The following DENND1B variants were observed in gnomAD, a reference collection of about 807,000 sequenced individuals.
DENND1B encodes the protein DENN domain-containing protein 1B.
A neutral mutation model predicts 90.1 loss-of-function variants in DENND1B; 59 were observed. The observed-to-expected ratio is 0.65, with a 90% CI of 0.53 to 0.81. The LOEUF (loss-of-function observed/expected upper bound fraction) is 0.81, where lower values mean the gene tolerates loss of function less well. Ranked by LOEUF, DENND1B falls within the 40% of genes least tolerant of loss-of-function variation. DENND1B has a pLI of 0.00. For synonymous variants in DENND1B, 337 were observed against 324.6 expected, an observed-to-expected ratio of 1.04 and a Z score of -0.41; for missense variants, 862 against 912.6, an observed-to-expected ratio of 0.94 and a Z score of 0.71.
chr1:197,529,284 ATATATATGTATATATGTG>A (rs1558206160), intron 20 of DENND1B, among the ~76,000 whole-genome samples: 7 of 134,978 alleles, frequency 5.2e-5, no homozygotes, highest in African/African-American at 8.2e-5. Context: ...GTATATATGT[ATATATATGTATATATGTG>A]TATATATGTA....
chr1:197,581,624 C>T (rs1045134329), intron 15 of DENND1B, among the ~76,000 whole-genome samples: 10 of 152,120 alleles, frequency 6.6e-5, no homozygotes, highest in South Asian at 2.1e-4. Flanking sequence ...AGATATTCTG[C>T]GATACAGTCA....
chr1:197,674,991 GCAAA>G (rs1655909542), intron 3 of DENND1B, among the ~76,000 whole-genome samples: 2 of 151,870 alleles, frequency 1.3e-5, no homozygotes, highest in East Asian at 3.9e-4. Flanking sequence ...CAGCTACTTG[GCAAA>G]CAAAGTCTTA....
At chr1:197,753,013 T>C (rs1653780803) in intron 2 of DENND1B, among the ~76,000 whole-genome samples, 1 of 152,048 alleles carries the variant, frequency 6.6e-6, no homozygotes, top group Non-Finnish European at 1.5e-5. Context: ...ATGTGCCACA[T>C]TTTCTTAATC....
intron 10 of DENND1B, among the ~76,000 whole-genome samples, chr1:197,629,435 C>T (rs1337645582): frequency 6.7e-6 from 1 of 150,154 alleles, no homozygotes; most frequent in African/African-American, 2.5e-5. Flanking sequence ...GGACAGAAAA[C>T]CAAACACCGC....
At chr1:197,673,531 G>T (rs912894365) in intron 4 of DENND1B, among the ~76,000 whole-genome samples, 1 of 152,026 alleles carries the variant, frequency 6.6e-6, no homozygotes, top group African/African-American at 2.4e-5. Context: ...ACGATCTGTT[G>T]TTATGCTCAC....
chr1:197,528,817 G>C (rs555862303), intron 20 of DENND1B, among the ~76,000 whole-genome samples: 1 of 148,600 alleles, frequency 6.7e-6, no homozygotes, highest in African/African-American at 2.5e-5. Context: ...CCGAGATCCC[G>C]CCACTGCACT....
intron 3 of DENND1B, among the ~76,000 whole-genome samples, chr1:197,675,517 G>A (rs1481973882): frequency 6.6e-6 from 1 of 151,708 alleles, no homozygotes; most frequent in African/African-American, 2.4e-5. Context: ...TTAAAAATAT[G>A]AGCACAGACT....
intron 15 of DENND1B, among the ~76,000 whole-genome samples, chr1:197,575,033 G>A (rs1673535308): frequency 2.0e-5 from 3 of 152,096 alleles, no homozygotes; most frequent in Admixed American, 1.3e-4. Context: ...GCATGGGCAA[G>A]GACTTCATGA....
intron 18 of DENND1B, among the ~76,000 whole-genome samples, chr1:197,541,743 T>C (rs2125657707): frequency 6.6e-6 from 1 of 152,342 alleles, no homozygotes; most frequent in Non-Finnish European, 1.5e-5. Context: ...TTCCTAAATA[T>C]ATGACTGTGT....
chr1:197,522,264 G>A (rs565159228), intron 20 of DENND1B, among the ~76,000 whole-genome samples: 56 of 152,178 alleles, frequency 3.7e-4, no homozygotes, highest in Admixed American at 1.8e-3. Context: ...ATCAAGATAC[G>A]TATTTGGTGA....
chr1:197,674,104 G>A lies in DENND1B; in HGVS notation c.176+16C>T. ...ATAAGAATCTACATTTATTTTAAAT[G>A]ATACTTATACTGTACCTTTCAACGT... is the stretch of plus-strand genomic sequence containing the variant. On this transcript the variant is annotated intron_variant, in intron 4 of 22. Transcript: ENST00000620048. The A allele has an allele frequency of 1.3e-6, 2 of 1,548,572 alleles. No individual in the cohort carries two copies. The highest frequency in any genetic ancestry group is 1.8e-6 in the Non-Finnish European group (2 of 1,135,102).
chr1:197,597,109 T>C (rs1675769468), intron 13 of DENND1B, among the ~76,000 whole-genome samples: 1 of 151,894 alleles, frequency 6.6e-6, no homozygotes, highest in Non-Finnish European at 1.5e-5. Context: ...GCCCACAAAG[T>C]GCATAAATCA....
intron 12 of DENND1B, among the ~76,000 whole-genome samples, chr1:197,607,839 A>G (rs979105423): frequency 4.6e-5 from 7 of 150,756 alleles, no homozygotes; most frequent in Non-Finnish European, 1.0e-4. Context: ...ATATGTCTAC[A>G]AATAATAGTA....
intron 11 of DENND1B, among the ~76,000 whole-genome samples, chr1:197,617,392 A>AT (rs1420409483): frequency 1.3e-5 from 2 of 151,030 alleles, no homozygotes; most frequent in East Asian, 1.9e-4. Context: ...TAAGACTGTT[A>AT]TTTTTTTCTA....
intron 15 of DENND1B, among the ~76,000 whole-genome samples, chr1:197,569,292 G>A (rs1369894697): frequency 6.6e-6 from 1 of 151,860 alleles, no homozygotes; most frequent in East Asian, 1.9e-4. Flanking sequence ...GCCAGGATGT[G>A]GAGAAAAGCT....
chr1:197,654,871 A>T (rs1362566661), intron 6 of DENND1B, among the ~76,000 whole-genome samples: 2 of 152,186 alleles, frequency 1.3e-5, no homozygotes, highest in African/African-American at 4.8e-5. Flanking sequence ...ATCCATGTTT[A>T]ACATAGTGCC....
Position 197,754,659 on chromosome 1 carries a change from C to CA in DENND1B, c.82+18208dup, listed in dbSNP as rs57926782. On this transcript the variant is annotated intron_variant, in intron 2 of 22. Coordinates refer to ENST00000620048, the MANE Select transcript of DENND1B (RefSeq NM_001195215.2). Reference sequence around the variant, plus strand: ...TGGGCAACAATGCGAGACTCTGTCTCAAAAAAAAAAAAAAAAAAAAAAAAA... The same window carrying CA: ...TGGGCAACAATGCGAGACTCTGTCTCAAAAAAAAAAAAAAAAAAAAAAAAAA... Among the ~76,000 whole-genome samples the CA allele has an allele frequency of 9.7e-3, 703 of 72,840 alleles. 64 individuals carry two copies. The highest frequency in any genetic ancestry group is 0.03 in the African/African-American group (536 of 18,050). 47.8% of individuals were successfully genotyped at this position (72,840 alleles called of 152,430 possible). A position where few individuals can be genotyped will look rare whatever the true frequency, so the allele number is the denominator to read the frequency against.
rs1343793446 is a variant in DENND1B, at chr1:197,508,010, T to TGGC, written c.*2447_*2449dup. On this transcript the variant is annotated 3_prime_UTR_variant, in exon 23 of 23. Coordinates refer to ENST00000620048, the MANE Select transcript of DENND1B (RefSeq NM_001195215.2). Reference sequence around the variant, plus strand: ...ATACCTTGAGACAATTATTTATGAGTGGCTAAATATCCTCAAAGCAACACA... The same window carrying TGGC: ...ATACCTTGAGACAATTATTTATGAGTGGCGGCTAAATATCCTCAAAGCAACACA... 1.3e-5 allele frequency: 2 copies of TGGC among 151,578 alleles called. No individual in the cohort carries two copies. Among genetic ancestry groups the TGGC allele is most frequent in the East Asian group, 3.9e-4 (2 of 5,152 alleles). 9.4% of individuals were successfully genotyped at this position (151,578 alleles called of 1,614,324 possible).
At chr1:197,525,485 T>C (rs1669075729) in intron 20 of DENND1B, among the ~76,000 whole-genome samples, 1 of 152,114 alleles carries the variant, frequency 6.6e-6, no homozygotes, top group South Asian at 2.1e-4. Context: ...GGTTTCTTAA[T>C]ACATGACAAG....
Sources: gnomAD v4.1 joint callset for allele counts (sites outside exome capture counted in the v4.1 genomes callset) on GRCh38, gnomAD v4.1.1 for gene constraint, MANE v1.5 for transcripts, NCBI Gene and HGNC (gene_info 2026-07-23, HGNC 2026-07-21) for gene names.